The following BICD1 variants were observed in gnomAD, a reference collection of about 807,000 sequenced individuals.
BICD1 encodes BICD cargo adaptor 1.
BICD1 carries 35 observed loss-of-function variants against 92.5 expected under a neutral mutation model. The ratio of observed to expected loss-of-function variants is 0.38; its 90% confidence interval spans 0.29 to 0.50. The LOEUF (loss-of-function observed/expected upper bound fraction) is 0.50, where lower values mean the gene tolerates loss of function less well. BICD1 is among the 20% of genes least tolerant of loss of function. The pLI is 0.93. For synonymous variants in BICD1, 429 were observed against 465.1 expected, an observed-to-expected ratio of 0.92 and a Z score of 1.00; for missense variants, 950 against 1,189.8, an observed-to-expected ratio of 0.80 and a Z score of 2.97.
At chr12:32,334,690 A>G (rs1461142437) in intron 6 of BICD1, 23 bp downstream of exon 6, 14 of 1,599,218 alleles carry the variant, frequency 8.8e-6, no homozygotes, top group Non-Finnish European at 1.2e-5. Flanking sequence ...TCTTCCTATG[A>G]CTGGGTGTGG....
At chr12:32,348,742 ATATATATATATATATATATAT>A (rs1347268565) in intron 8 of BICD1, among the ~76,000 whole-genome samples, 9 of 18,914 alleles carry the variant, frequency 4.8e-4, no homozygotes, top group Non-Finnish European at 8.9e-5. Context: ...ATATATATAT[ATATATATATATATATATATAT>A]ATATATATAT....
intron 1 of BICD1, among the ~76,000 whole-genome samples, chr12:32,205,258 G>A (rs1166873476): frequency 6.6e-6 from 1 of 152,108 alleles, no homozygotes; most frequent in African/African-American, 2.4e-5. Context: ...CCACTTAGTA[G>A]TGTCCCTTCA....
chr12:32,291,929 C>T (rs1269562180), intron 2 of BICD1, among the ~76,000 whole-genome samples: 1 of 152,152 alleles, frequency 6.6e-6, no homozygotes, highest in African/African-American at 2.4e-5. Flanking sequence ...AGCTGGCTCT[C>T]TGTTAGGATA....
At chr12:32,365,221 G>A (rs1301636317) in intron 8 of BICD1, among the ~76,000 whole-genome samples, 1 of 152,100 alleles carries the variant, frequency 6.6e-6, no homozygotes, top group Non-Finnish European at 1.5e-5. Context: ...TGGGCAACAA[G>A]AGCAAAACTC....
At chr12:32,216,562 G>A (rs745919792) in intron 2 of BICD1, 103 bp downstream of exon 2, 94 of 1,270,498 alleles carry the variant, frequency 7.4e-5, no homozygotes, top group Non-Finnish European at 1.0e-4. Flanking sequence ...CAGAGGAGCT[G>A]TATTAAGCAC....
intron 2 of BICD1, among the ~76,000 whole-genome samples, chr12:32,289,984 C>A (rs1238073255): frequency 6.6e-6 from 1 of 152,090 alleles, no homozygotes; most frequent in Non-Finnish European, 1.5e-5. Context: ...CAGAGGGAAG[C>A]TGTAAAGGGA....
intron 2 of BICD1, among the ~76,000 whole-genome samples, chr12:32,235,867 A>AT (rs1327228442): frequency 6.6e-6 from 1 of 150,688 alleles, no homozygotes; most frequent in Admixed American, 6.6e-5. Flanking sequence ...CACCCAGCTA[A>AT]TTTTTTTGTA....
At chr12:32,275,554 T>C (rs1222046973) in intron 2 of BICD1, among the ~76,000 whole-genome samples, 1 of 152,206 alleles carries the variant, frequency 6.6e-6, no homozygotes, top group Non-Finnish European at 1.5e-5. Context: ...CCTCCCTTTG[T>C]ATGGGAGCTC....
intron 4 of BICD1, among the ~76,000 whole-genome samples, chr12:32,309,167 A>G (rs1948310845): frequency 6.6e-6 from 1 of 152,212 alleles, no homozygotes; most frequent in Admixed American, 6.5e-5. Flanking sequence ...AACACATTAC[A>G]AAAACATTAC....
chr12:32,172,639 G>C (rs1943978419), intron 1 of BICD1, among the ~76,000 whole-genome samples: 1 of 152,080 alleles, frequency 6.6e-6, no homozygotes, highest in Non-Finnish European at 1.5e-5. Context: ...GCACTTATAG[G>C]GGAGTCCAGA....
intron 1 of BICD1, among the ~76,000 whole-genome samples, chr12:32,157,919 C>T (rs1043998627): frequency 6.6e-6 from 1 of 151,954 alleles, no homozygotes; most frequent in Non-Finnish European, 1.5e-5. Flanking sequence ...AGCTGTGAGA[C>T]CCTGGGCAAA....
At chr12:32,281,713 T>C (rs925356296) in intron 2 of BICD1, among the ~76,000 whole-genome samples, 8 of 152,078 alleles carry the variant, frequency 5.3e-5, no homozygotes, top group Non-Finnish European at 1.2e-4. Context: ...TTTTTTTCAA[T>C]CTATGAACTC....
chr12:32,343,046 GCTTGTTAACTTT>G (rs1473254296), intron 8 of BICD1, among the ~76,000 whole-genome samples: 1 of 152,176 alleles, frequency 6.6e-6, no homozygotes, highest in African/African-American at 2.4e-5. Context: ...GCCATGGCTT[GCTTGTTAACTTT>G]CTTGTTCTTG....
chr12:32,306,170 A>G, intron 4 of BICD1, 48 bp downstream of exon 4: 1 of 1,488,398 alleles, frequency 6.7e-7, no homozygotes, highest in East Asian at 2.3e-5. Context: ...TGTAGATTGC[A>G]GGTAGCATGT....
At chr12:32,160,883 C>T (rs913789108) in intron 1 of BICD1, among the ~76,000 whole-genome samples, 3 of 152,132 alleles carry the variant, frequency 2.0e-5, no homozygotes, top group African/African-American at 7.2e-5. Flanking sequence ...TTCAATTGTA[C>T]TTAAGCACTA....
At chr12:32,128,813 C>T (rs1942434243) in intron 1 of BICD1, among the ~76,000 whole-genome samples, 2 of 151,958 alleles carry the variant, frequency 1.3e-5, no homozygotes, top group East Asian at 1.9e-4. Flanking sequence ...TGTTTTGTTG[C>T]GCAGGCTAGA....
intron 2 of BICD1, among the ~76,000 whole-genome samples, chr12:32,289,383 G>C (rs1001266496): frequency 1.1e-4 from 16 of 152,246 alleles, no homozygotes; most frequent in African/African-American, 3.6e-4. Flanking sequence ...AGAGTCTGTT[G>C]TTTGTTTGTG....
At chr12:32,300,821 T>G (rs1948023140) in intron 3 of BICD1, among the ~76,000 whole-genome samples, 1 of 146,500 alleles carries the variant, frequency 6.8e-6, no homozygotes, top group Non-Finnish European at 1.5e-5. Context: ...AATTTTTTTT[T>G]TTTGTATTTT....
chr12:32,284,975 T>G (rs1420001191), intron 2 of BICD1, among the ~76,000 whole-genome samples: 1 of 152,250 alleles, frequency 6.6e-6, no homozygotes, highest in Non-Finnish European at 1.5e-5. Context: ...TTTCTGTTTC[T>G]GTCTTCTCTT....
Sources: gnomAD v4.1 joint callset for allele counts (sites outside exome capture counted in the v4.1 genomes callset) on GRCh38, gnomAD v4.1.1 for gene constraint, MANE v1.5 for transcripts, NCBI Gene and HGNC (gene_info 2026-07-23, HGNC 2026-07-21) for gene names.